The following SEMA4A variants were observed in gnomAD, a reference collection of about 807,000 sequenced individuals.
SEMA4A encodes the protein semaphorin 4A, also known as semaphorin-4A.
SEMA4A carries 52 observed loss-of-function variants against 72.5 expected under a neutral mutation model. That is an observed-to-expected ratio of 0.72 (90% confidence interval 0.57 to 0.90). SEMA4A has a LOEUF of 0.90. SEMA4A is among the 40% of genes least tolerant of loss of function. The pLI, the probability that SEMA4A is intolerant of heterozygous loss-of-function variation, is 0.00. For synonymous variants in SEMA4A, 369 were observed against 393.1 expected (o/e 0.94, Z 0.73); for missense variants, 926 against 959.7 (o/e 0.96, Z 0.46).
chr1:156,171,057 A>G (rs1654727608), intron 10 of SEMA4A, among the ~76,000 whole-genome samples: 1 of 152,214 alleles, frequency 6.6e-6, no homozygotes, highest in Non-Finnish European at 1.5e-5. Flanking sequence ...TATTTGTAAA[A>G]ATAAAAAACA....
At chr1:156,165,987 A>T (rs1488554577) in intron 10 of SEMA4A, among the ~76,000 whole-genome samples, 1 of 140,886 alleles carries the variant, frequency 7.1e-6, no homozygotes, top group Non-Finnish European at 1.5e-5. Context: ...GCTTGCTACA[A>T]CCTCCACCTC....
At chr1:156,168,870 T>C (rs1459720040) in intron 10 of SEMA4A, among the ~76,000 whole-genome samples, 5 of 152,216 alleles carry the variant, frequency 3.3e-5, no homozygotes, top group Non-Finnish European at 7.3e-5. Flanking sequence ...CAGAGGCAGA[T>C]GATCTGGCTC....
rs527993049 is a variant in SEMA4A, at chr1:156,157,702, C to A, written c.301-368C>A. Among the ~76,000 whole-genome samples the A allele has an allele frequency of 6.6e-6, 1 of 152,174 alleles. No homozygotes were observed. Among genetic ancestry groups the A allele is most frequent in the African/African-American group, 2.4e-5 (1 of 41,430 alleles). On this transcript the variant is annotated intron_variant, in intron 3 of 14. Coordinates refer to ENST00000368285, the MANE Select transcript of SEMA4A (RefSeq NM_022367.4). The surrounding 1 kb of genome is among the most constrained non-coding windows in gnomAD (Gnocchi z 4.5). ...TTAAACAATTTCCCCAGGAAATGTGCGGTTTGACAACTGCTGCCATATATA... is the reference window on the plus strand; with the variant it reads ...TTAAACAATTTCCCCAGGAAATGTGAGGTTTGACAACTGCTGCCATATATA...
upstream of SEMA4A, among the ~76,000 whole-genome samples, chr1:156,150,458 G>T (rs1308092555): frequency 6.6e-6 from 1 of 152,094 alleles, no homozygotes; most frequent in African/African-American, 2.4e-5. Context: ...GAGGGCCAGG[G>T]CAGGTGGAGC....
intron 5 of SEMA4A, 25 bp downstream of exon 5, chr1:156,158,511 C>A (rs1338170471): frequency 1.3e-6 from 2 of 1,566,992 alleles, no homozygotes; most frequent in Non-Finnish European, 1.8e-6. Flanking sequence ...GCCCAGCGCT[C>A]AGGCCCCCAA....
At position 156,154,637 on chromosome 1, in the gene SEMA4A, A is replaced by G. The variant is rs1193165779; in HGVS notation, c.59A>G (p.Gln20Arg). The G allele has an allele frequency of 6.2e-7, 1 of 1,609,794 alleles. No individual in the cohort carries two copies. The highest frequency in any genetic ancestry group is 1.7e-5 in the Admixed American group (1 of 59,434). ...PWSLLGLFLF[Q>R]LLQLLLPTTT... ...AGCCTCCTGGGCCTTTTCCTCTTCC[A>G]ACTGCTTCAGCTGCTGCTGCCGACG... The change falls in exon 2 of 15, where the codon CAA becomes CGA. Residue 20 changes from glutamine to arginine, a missense_variant. Physicochemically the swap from Gln to Arg is conservative, Grantham distance 43. Coordinates refer to ENST00000368285, the MANE Select transcript of SEMA4A (RefSeq NM_022367.4).
chr1:156,163,029 T>C lies in SEMA4A; in HGVS notation c.1069T>C (p.Leu357=), dbSNP rs144082903. ...ERVFKGKYKE[L]NKETSRWTTY... ...TGTCTTTAAGGGGAAATACAAAGAGTTGAACAAAGAAACTTCACGCTGGAC... is the reference window on the plus strand; with the variant it reads ...TGTCTTTAAGGGGAAATACAAAGAGCTGAACAAAGAAACTTCACGCTGGAC... The change falls in exon 10 of 15, where the codon TTG becomes CTG. Residue 357 remains leucine (L), a synonymous_variant. Transcript: ENST00000368285. The C allele has an allele frequency of 1.2e-6, 2 of 1,613,716 alleles. No individual in the cohort carries two copies. Among genetic ancestry groups the C allele is most frequent in the South Asian group, 2.2e-5 (2 of 91,068 alleles).
intron 10 of SEMA4A, chr1:156,163,404 G>T: frequency 2.7e-6 from 1 of 364,230 alleles, no homozygotes; most frequent in Non-Finnish European, 5.2e-6. Context: ...ATTGCCACCT[G>T]CATTTATTTA....
At chr1:156,173,407 C>T (rs949744396) in intron 11 of SEMA4A, among the ~76,000 whole-genome samples, 6 of 151,746 alleles carry the variant, frequency 4.0e-5, no homozygotes, top group Non-Finnish European at 2.9e-5. Flanking sequence ...CGGAGTGGGG[C>T]GCAGCTGGGG....
At position 156,175,610 on chromosome 1, in the gene SEMA4A, T is replaced by A. The variant is rs957356693; in HGVS notation, c.1647T>A (p.Ser549Arg). Reference sequence around the variant, plus strand: ...GGAACCCAGAGTGGGCATGTGCCAGTGGCCCCATGAGCAGGAGCCTTCGGC... The same window carrying A: ...GGAACCCAGAGTGGGCATGTGCCAGAGGCCCCATGAGCAGGAGCCTTCGGC... ...ERGNPEWACA[S>R]GPMSRSLRPQ... Residue 549 changes from serine to arginine, a missense_variant, in exon 14 of 15, where the codon AGT becomes AGA. By Grantham distance (110) the Ser-to-Arg change is moderately radical. Coordinates refer to ENST00000368285, the MANE Select transcript of SEMA4A (RefSeq NM_022367.4). 1 of 1,613,350 alleles carries A rather than the reference T, an allele frequency of 6.2e-7. No homozygotes were observed. The highest frequency in any genetic ancestry group is 1.3e-5 in the African/African-American group (1 of 75,068).
chr1:156,158,755 G>A lies in SEMA4A; in HGVS notation c.499G>A (p.Asp167Asn), dbSNP rs768596864. 8.7e-6 allele frequency: 14 copies of A among 1,613,826 alleles called. No individual in the cohort carries two copies. In the South Asian group the frequency reaches 1.4e-4, roughly 16 times the overall value. Residue 167 changes from aspartate to asparagine, a missense_variant, in exon 6 of 15, where the codon GAC (aspartate) becomes AAC (asparagine). By Grantham distance (23) the Asp-to-Asn change is conservative (BLOSUM62 1). Transcript: ENST00000368285. ...QDSYLLPISE[D>N]KVMEGKGQSP... is the part of the protein sequence containing the mutation. ...TTCCTACCTGTTGCCCATCTCGGAGGACAAGGTCATGGAGGGAAAAGGCCA... is the reference window on the plus strand; with the variant it reads ...TTCCTACCTGTTGCCCATCTCGGAGAACAAGGTCATGGAGGGAAAAGGCCA...
chr1:156,156,688 A>T, intron 3 of SEMA4A, 114 bp downstream of exon 3: 1 of 997,056 alleles, frequency 1.0e-6, no homozygotes, highest in Non-Finnish European at 1.6e-6. Flanking sequence ...TGTAATCAGC[A>T]GTTCTCTTTA....
intron 2 of SEMA4A, 195 bp downstream of exon 2, chr1:156,154,912 G>A (rs1652874044): frequency 1.4e-6 from 1 of 731,700 alleles, no homozygotes; most frequent in Non-Finnish European, 2.2e-6. Flanking sequence ...GGAAAGAAAA[G>A]CCACTGGAGA....
intron 7 of SEMA4A, 40 bp downstream of exon 7, chr1:156,160,599 T>C: frequency 6.5e-7 from 1 of 1,530,086 alleles, no homozygotes; most frequent in Non-Finnish European, 9.1e-7. Context: ...TCCTGAGTCC[T>C]GGTGACCTTG....
At position 156,160,919 on chromosome 1, in the gene SEMA4A, GTGGC is replaced by G; in HGVS notation, c.701_704del (p.Val234GlufsTer53). The G allele has an allele frequency of 6.2e-7, 1 of 1,613,684 alleles. No homozygotes were observed. The highest frequency in any genetic ancestry group is 8.5e-7 in the Non-Finnish European group (1 of 1,179,910). Reference sequence around the variant, plus strand: ...CTCCCCCGCAGATGACGCCTCCTTTGTGGCAGCCATCCCTTCGACCCAGGTCGTC... The same window carrying G: ...CTCCCCCGCAGATGACGCCTCCTTTGAGCCATCCCTTCGACCCAGGTCGTC... On this transcript the variant is annotated frameshift_variant, in exon 8 of 15. Transcript: ENST00000368285. LOFTEE classifies it high-confidence loss of function.
chr1:156,168,723 C>A (rs1335329488), intron 10 of SEMA4A, among the ~76,000 whole-genome samples: 1 of 152,162 alleles, frequency 6.6e-6, no homozygotes, highest in Non-Finnish European at 1.5e-5. Flanking sequence ...TCTGTTATGT[C>A]ACCACTGAGG....
In SEMA4A at chr1:156,158,107, G is replaced by A; in HGVS notation, c.338G>A (p.Cys113Tyr). The change falls in exon 4 of 15, where the codon TGT (cysteine) becomes TAT (tyrosine). Residue 113 changes from cysteine (C) to tyrosine (Y), a missense_variant. Coordinates refer to ENST00000368285, the MANE Select transcript of SEMA4A (RefSeq NM_022367.4). Reference sequence around the variant, plus strand: ...GCCAGTGACAGAAAAAAGAGTGAATGTGCCTTTAAGAAGAAGAGCAATGAG... The same window carrying A: ...GCCAGTGACAGAAAAAAGAGTGAATATGCCTTTAAGAAGAAGAGCAATGAG... The part of the protein sequence containing the change: ...WPASDRKKSE[C>Y]AFKKKSNETQ... The A allele has an allele frequency of 6.2e-7, 1 of 1,614,148 alleles. No individual in the cohort carries two copies. Among genetic ancestry groups the A allele is most frequent in the Middle Eastern group, 1.6e-4 (1 of 6,062 alleles).
At chr1:156,150,662 C>CT (rs1356701262), upstream of SEMA4A, among the ~76,000 whole-genome samples, 1 of 152,104 alleles carries the variant, frequency 6.6e-6, no homozygotes, top group Admixed American at 6.5e-5. Flanking sequence ...TCAGAAGAGA[C>CT]TGAGCGTCTG....
chr1:156,151,838 CAAAAAAAAAA>C (rs546304826), upstream of SEMA4A, among the ~76,000 whole-genome samples: 393 of 17,526 alleles, frequency 0.022, 5 homozygotes, highest in South Asian at 0.068. Flanking sequence ...CACTTCGTCT[CAAAAAAAAAA>C]AAAAAAAAAA....
Sources: allele counts gnomAD v4.1 joint callset (sites outside exome capture counted in the v4.1 genomes callset), GRCh38; gene constraint gnomAD v4.1.1; non-coding constraint Gnocchi (gnomAD v3.1); transcripts MANE v1.5; gene names NCBI Gene and HGNC (gene_info 2026-07-23, HGNC 2026-07-21).